The following DCC variants were observed in gnomAD, a reference collection of about 807,000 sequenced individuals.
DCC encodes DCC netrin 1 receptor.
In DCC, 58 loss-of-function variants were observed where a neutral mutation model predicts 172.5. The ratio of observed to expected loss-of-function variants is 0.34; its 90% confidence interval spans 0.27 to 0.42. The LOEUF is 0.42. DCC is among the 10% of genes least tolerant of loss of function. The pLI, the probability that DCC is intolerant of heterozygous loss-of-function variation, is 1.00. For synonymous variants in DCC, 709 were observed against 644.5 expected, an observed-to-expected ratio of 1.10 and a Z score of -1.52; for missense variants, 1,740 against 1,791.0, an observed-to-expected ratio of 0.97 and a Z score of 0.51.
intron 1 of DCC, among the ~76,000 whole-genome samples, chr18:52,378,807 C>G (rs1182682930): frequency 6.6e-6 from 1 of 152,066 alleles, no homozygotes; most frequent in African/African-American, 2.4e-5. Flanking sequence ...CTCAGCCTCC[C>G]AAGGTGATAG....
At chr18:53,439,425 C>T (rs1191677654) in intron 22 of DCC, among the ~76,000 whole-genome samples, 4 of 152,180 alleles carry the variant, frequency 2.6e-5, no homozygotes, top group African/African-American at 4.8e-5. Context: ...AAATTTCATA[C>T]GTCTCCCCTT....
intron 1 of DCC, among the ~76,000 whole-genome samples, chr18:52,422,797 G>C (rs144005953): frequency 2.6e-4 from 40 of 152,268 alleles, no homozygotes; most frequent in Non-Finnish European, 4.6e-4. Context: ...AATGGAATAT[G>C]TGAAGAAGGT....
chr18:53,505,853 T>C (rs1202657327), intron 27 of DCC, among the ~76,000 whole-genome samples: 1 of 152,180 alleles, frequency 6.6e-6, no homozygotes, highest in East Asian at 1.9e-4. Context: ...GCAGTAAATA[T>C]TCCTTTTACA....
chr18:53,194,864 A>G (rs146906637), intron 9 of DCC, among the ~76,000 whole-genome samples: 258 of 152,338 alleles, frequency 1.7e-3, no homozygotes, highest in African/African-American at 5.9e-3. Context: ...CCCTTTGCAT[A>G]CATAATCTCT....
chr18:52,890,263 C>T (rs1327995870), intron 2 of DCC, among the ~76,000 whole-genome samples: 2 of 152,074 alleles, frequency 1.3e-5, no homozygotes, highest in Non-Finnish European at 2.9e-5. Flanking sequence ...AGGCTTAACC[C>T]TTATGAGTTG....
chr18:53,467,445 A>G (rs1416986511), intron 24 of DCC, among the ~76,000 whole-genome samples: 1 of 152,080 alleles, frequency 6.6e-6, no homozygotes, highest in Non-Finnish European at 1.5e-5. Context: ...AAAATTTAAT[A>G]TGGTTGGGCT....
intron 28 of DCC, among the ~76,000 whole-genome samples, chr18:53,527,385 T>C (rs566456064): frequency 1.3e-5 from 2 of 151,952 alleles, no homozygotes; most frequent in South Asian, 4.1e-4. Context: ...CACCAACTTA[T>C]ACAGTTATTC....
intron 1 of DCC, among the ~76,000 whole-genome samples, chr18:52,539,784 G>C (rs889745186): frequency 7.2e-5 from 11 of 152,024 alleles, no homozygotes; most frequent in African/African-American, 2.7e-4. Context: ...CACAAAAACA[G>C]GATAACTATG....
intron 5 of DCC, among the ~76,000 whole-genome samples, chr18:53,047,235 G>GAT (rs70944616): frequency 1.2e-3 from 35 of 30,232 alleles, no homozygotes; most frequent in Middle Eastern, 0.023. Flanking sequence ...CTGCAGGTAG[G>GAT]ATATATATAT....
intron 2 of DCC, among the ~76,000 whole-genome samples, chr18:52,888,905 A>G (rs1001520791): frequency 6.6e-6 from 1 of 152,098 alleles, no homozygotes; most frequent in Non-Finnish European, 1.5e-5. Context: ...CTTTACACAG[A>G]TATCTATATA....
At chr18:52,412,729 C>T (rs1299382495) in intron 1 of DCC, among the ~76,000 whole-genome samples, 1 of 152,116 alleles carries the variant, frequency 6.6e-6, no homozygotes, top group Non-Finnish European at 1.5e-5. Flanking sequence ...CTGATGGCAT[C>T]TCCAGATTTC....
chr18:52,643,330 T>G (rs1241913393), intron 1 of DCC, among the ~76,000 whole-genome samples: 3 of 152,134 alleles, frequency 2.0e-5, no homozygotes, highest in African/African-American at 7.2e-5. Context: ...AGAAGGAAAT[T>G]TTCATGGTTA....
At chr18:53,270,066 C>T (rs950871983) in intron 12 of DCC, among the ~76,000 whole-genome samples, 2 of 152,134 alleles carry the variant, frequency 1.3e-5, no homozygotes, top group African/African-American at 2.4e-5. Context: ...GCTGGAAACA[C>T]TAGTTGGAGG....
intron 1 of DCC, among the ~76,000 whole-genome samples, chr18:52,563,477 A>G (rs145523408): frequency 1.1e-4 from 16 of 152,256 alleles, no homozygotes; most frequent in South Asian, 2.1e-4. Flanking sequence ...GCGGTGTCTT[A>G]CATCTTGTAT....
At chr18:52,912,704 A>T (rs1415284770) in intron 3 of DCC, among the ~76,000 whole-genome samples, 1 of 152,060 alleles carries the variant, frequency 6.6e-6, no homozygotes, top group Non-Finnish European at 1.5e-5. Flanking sequence ...CCCATGAACA[A>T]TTCTAATCCT....
At chr18:53,489,460 C>T (rs2045937194) in intron 26 of DCC, among the ~76,000 whole-genome samples, 1 of 152,116 alleles carries the variant, frequency 6.6e-6, no homozygotes, top group Non-Finnish European at 1.5e-5. Context: ...TTTCTAAATG[C>T]CTTAGAGAAC....
intron 12 of DCC, among the ~76,000 whole-genome samples, chr18:53,217,101 G>A (rs527998307): frequency 6.6e-6 from 1 of 152,096 alleles, no homozygotes; most frequent in Non-Finnish European, 1.5e-5. Context: ...GTGTTTGTGT[G>A]TTCATACCCT....
At chr18:53,114,693 G>A (rs1365072627) in intron 7 of DCC, among the ~76,000 whole-genome samples, 1 of 151,474 alleles carries the variant, frequency 6.6e-6, no homozygotes, top group African/African-American at 2.4e-5. Flanking sequence ...CAGCCACGTT[G>A]GACTGAATTG....
chr18:52,934,617 T>C (rs546283567), intron 5 of DCC, among the ~76,000 whole-genome samples: 1 of 152,284 alleles, frequency 6.6e-6, no homozygotes, highest in Non-Finnish European at 1.5e-5. Context: ...ACCACTGCAA[T>C]GGACAGAATT....
Sources: gnomAD v4.1 joint callset for allele counts (sites outside exome capture counted in the v4.1 genomes callset) on GRCh38, gnomAD v4.1.1 for gene constraint, MANE v1.5 for transcripts, NCBI Gene and HGNC (gene_info 2026-07-23, HGNC 2026-07-21) for gene names.